The following NBR1 variants were observed in gnomAD, a reference collection of about 807,000 sequenced individuals.
The protein encoded by NBR1 is NBR1 autophagy cargo receptor.
NBR1 carries 59 observed loss-of-function variants against 115.5 expected under a neutral mutation model. The ratio of observed to expected loss-of-function variants is 0.51; its 90% CI spans 0.41 to 0.63. The LOEUF is 0.63. Ranked by LOEUF, NBR1 falls within the 30% of genes least tolerant of loss-of-function variation. The pLI is 0.00. For missense variants in NBR1, 1,043 were observed against 1,150.5 expected, an observed-to-expected ratio of 0.91 and a Z score of 1.35; for synonymous variants, 373 against 414.7, an observed-to-expected ratio of 0.90 and a Z score of 1.22.
chr17:43,198,727 C>T (rs1159322138), intron 16 of NBR1, among the ~76,000 whole-genome samples: 2 of 151,866 alleles, frequency 1.3e-5, no homozygotes, highest in Non-Finnish European at 2.9e-5. Context: ...GTTGGGAGGC[C>T]GAGGTGGGCG....
At chr17:43,206,106 GCGGA>G (rs2057310652) in intron 20 of NBR1, among the ~76,000 whole-genome samples, 1 of 151,192 alleles carries the variant, frequency 6.6e-6, no homozygotes, top group Non-Finnish European at 1.5e-5. Flanking sequence ...AACCTGGGAG[GCGGA>G]TGTTGCAGTG....
chr17:43,192,325 G>T (rs947576312), intron 10 of NBR1, among the ~76,000 whole-genome samples: 1 of 149,640 alleles, frequency 6.7e-6, no homozygotes, highest in African/African-American at 2.5e-5. Context: ...CCTGCCTGGC[G>T]TGGTCTTAGT....
chr17:43,191,325 AATTT>A, intron 9 of NBR1, 43 bp from the exon 10 acceptor site: 1 of 1,419,528 alleles, frequency 7.0e-7, no homozygotes, highest in Non-Finnish European at 9.8e-7. Context: ...ATAGCTTCAG[AATTT>A]ATTTGTGACT....
At position 43,203,754 on chromosome 17, in the gene NBR1, G is replaced by A. The variant is rs1598014152; in HGVS notation, c.2695G>A (p.Ala899Thr). The stretch of plus-strand genomic sequence containing the variant: ...GTCTGTTGCTGCCTCTGCATACAAG[G>A]CCCTGTTTGCTGGGCCACCAGTCAC... Reference protein sequence around the residue: ...ALSVAASAYKALFAGPPVTAQ... With the variant: ...ALSVAASAYKTLFAGPPVTAQ... Residue 899 changes from alanine to threonine, a missense_variant, in exon 20 of 21, where the codon GCC becomes ACC. By Grantham distance (58) the Ala-to-Thr change is moderately conservative (BLOSUM62 0). Transcript: ENST00000590996. The A allele has an allele frequency of 1.2e-6, 2 of 1,603,956 alleles. No homozygotes were observed. Among genetic ancestry groups the A allele is most frequent in the East Asian group, 2.2e-5 (1 of 44,706 alleles).
At position 43,179,374 on chromosome 17, in the gene NBR1, T is replaced by C. The variant is rs368074870; in HGVS notation, c.166-20T>C. ...TGATGAGACACTTATAATTCACTGT[T>C]GCTTTTTTTCCTTTTATAGGTATCC... On this transcript the variant is annotated intron_variant, in intron 3 of 20. Coordinates refer to ENST00000590996, the MANE Select transcript of NBR1 (RefSeq NM_005899.5). 2.0e-5 allele frequency: 32 copies of C among 1,610,920 alleles called. No individual in the cohort carries two copies. In the African/African-American group the frequency reaches 4.1e-4, roughly 21 times the overall value.
rs1436161622 is a variant in NBR1, at chr17:43,210,088, A to G, written c.*14A>G. On this transcript the variant is annotated 3_prime_UTR_variant, in exon 21 of 21. Coordinates refer to ENST00000590996, the MANE Select transcript of NBR1 (RefSeq NM_005899.5). ...CAACGCTATTGAGGAGTGACCTTGTATTAAATAACTGCCTGCTGCTCAGAG... is the reference window on the plus strand; with the variant it reads ...CAACGCTATTGAGGAGTGACCTTGTGTTAAATAACTGCCTGCTGCTCAGAG... 6.2e-7 allele frequency: 1 copy of G among 1,600,924 alleles called. No homozygotes were observed. Among genetic ancestry groups the G allele is most frequent in the Admixed American group, 1.7e-5 (1 of 57,422 alleles).
intron 15 of NBR1, 45 bp downstream of exon 15, chr17:43,196,636 A>G (rs1234516038): frequency 3.7e-6 from 5 of 1,364,200 alleles, no homozygotes; most frequent in East Asian, 2.5e-5. Context: ...CTCCCTTTCC[A>G]TATCATACCC....
At chr17:43,198,438 A>G (rs774287314) in intron 16 of NBR1, among the ~76,000 whole-genome samples, 9 of 151,928 alleles carry the variant, frequency 5.9e-5, no homozygotes, top group Admixed American at 2.6e-4. Flanking sequence ...ACAGATCACA[A>G]GCTCAGGAGT....
intron 8 of NBR1, 149 bp downstream of exon 8, chr17:43,189,951 C>A: frequency 1.5e-6 from 1 of 674,154 alleles, no homozygotes; most frequent in Non-Finnish European, 2.6e-6. Flanking sequence ...AGCTACTCTT[C>A]ACCCACATGC....
chr17:43,193,006 G>A, intron 10 of NBR1, 88 bp from the exon 11 acceptor site: 1 of 1,342,612 alleles, frequency 7.4e-7, no homozygotes, highest in Non-Finnish European at 1.0e-6. Context: ...ATTTTCAAGA[G>A]TCACAGTCAG....
intron 20 of NBR1, 54 bp downstream of exon 20, chr17:43,203,840 G>A: frequency 1.8e-6 from 2 of 1,118,964 alleles, no homozygotes; most frequent in South Asian, 1.4e-5. Flanking sequence ...ACCAGTGAAA[G>A]TGATGGCATC....
Position 43,193,547 on chromosome 17 carries a change from T to C in NBR1, c.1433T>C (p.Val478Ala). Reference protein sequence around the residue: ...FGPRVWCSIIVDPFPSEESPD... With the variant: ...FGPRVWCSIIADPFPSEESPD... Reference sequence around the variant, plus strand: ...CCTCGGGTCTGGTGCAGTATCATAGTAGATCCTTTCCCCTCCGAAGAGAGC... The same window carrying C: ...CCTCGGGTCTGGTGCAGTATCATAGCAGATCCTTTCCCCTCCGAAGAGAGC... The change falls in exon 12 of 21, where the codon GTA (valine) becomes GCA (alanine). Residue 478 changes from valine (V) to alanine (A), a missense_variant. Transcript: ENST00000590996. The C allele has an allele frequency of 1.2e-6, 2 of 1,613,362 alleles. No individual in the cohort carries two copies. Among genetic ancestry groups the C allele is most frequent in the Non-Finnish European group, 1.7e-6 (2 of 1,179,658 alleles).
At chr17:43,170,754 T>G (rs1178987685), upstream of NBR1, 2 of 152,218 alleles carry the variant, frequency 1.3e-5, no homozygotes, top group Non-Finnish European at 2.9e-5. Context: ...CGGGCACAAT[T>G]CTCACGGAAA....
In NBR1 at chr17:43,209,957, A is replaced by C; in HGVS notation, c.2784A>C (p.Gly928=). Residue 928 remains glycine (G), a synonymous_variant, in exon 21 of 21, where the codon GGA becomes GGC. Coordinates refer to ENST00000590996, the MANE Select transcript of NBR1 (RefSeq NM_005899.5). ...TGATGGCCCATCTCTTTGAAATGGG[A>C]TTCTGTGACAGGCAGCTGAACCTAC... ...AALMAHLFEM[G]FCDRQLNLRL... is the part of the protein sequence containing the mutation. The C allele has an allele frequency of 1.2e-6, 2 of 1,608,142 alleles. No homozygotes were observed. The highest frequency in any genetic ancestry group is 1.7e-6 in the Non-Finnish European group (2 of 1,177,580).
At chr17:43,197,206 G>A (rs1275472395) in intron 16 of NBR1, 100 bp downstream of exon 16, 6 of 1,144,234 alleles carry the variant, frequency 5.2e-6, no homozygotes, top group South Asian at 1.5e-5. Flanking sequence ...GAGACTGAAG[G>A]GAGAGTGATC....
At chr17:43,187,759 C>T (rs1439661780) in intron 6 of NBR1, among the ~76,000 whole-genome samples, 20 of 149,580 alleles carry the variant, frequency 1.3e-4, no homozygotes, top group African/African-American at 4.4e-4. Flanking sequence ...CCGCCCACCT[C>T]GGCCTCCCAA....
Position 43,209,847 on chromosome 17 carries a change from T to C in NBR1, c.2728-54T>C. The C allele has an allele frequency of 3.4e-6, 5 of 1,467,806 alleles. No homozygotes were observed. The South Asian group carries it at 5.8e-5, about 17-fold the overall frequency. 90.9% of individuals were successfully genotyped at this position (1,467,806 alleles called of 1,614,324 possible). ...ATGATACAAATGTATAAAATAAACA[T>C]TTAAATTATACAGAATTTTTTTTTT... On this transcript the variant is annotated intron_variant, in intron 20 of 20. Coordinates refer to ENST00000590996, the MANE Select transcript of NBR1 (RefSeq NM_005899.5).
chr17:43,208,848 T>G (rs2057364122), intron 20 of NBR1, among the ~76,000 whole-genome samples: 2 of 151,982 alleles, frequency 1.3e-5, no homozygotes, highest in Non-Finnish European at 2.9e-5. Flanking sequence ...AGACCAGTGG[T>G]CCCAGCTATT....
chr17:43,201,742 T>C lies in NBR1; in HGVS notation c.2525T>C (p.Ile842Thr), dbSNP rs1335238914. ...CCAGGAGTGGATTTACCAGTTACCA[T>C]ACCAGAAGTTTCTTCAGTCCCTGAT... Reference protein sequence around the residue: ...GSPGVDLPVTIPEVSSVPDQI... With the variant: ...GSPGVDLPVTTPEVSSVPDQI... The change falls in exon 18 of 21, where the codon ATA becomes ACA. Residue 842 changes from isoleucine (I) to threonine (T), a missense_variant. Coordinates refer to ENST00000590996, the MANE Select transcript of NBR1 (RefSeq NM_005899.5). 2.5e-6 allele frequency: 4 copies of C among 1,608,458 alleles called. No homozygotes were observed. Among genetic ancestry groups the C allele is most frequent in the East Asian group, 4.5e-5 (2 of 44,862 alleles).
Sources: gnomAD v4.1 joint callset for allele counts (sites outside exome capture counted in the v4.1 genomes callset) on GRCh38, gnomAD v4.1.1 for gene constraint, MANE v1.5 for transcripts, NCBI Gene and HGNC (gene_info 2026-07-23, HGNC 2026-07-21) for gene names.